CIMAP2: variants seen among roughly 807,000 people sequenced by gnomAD.
CIMAP2 encodes ciliary microtubule associated protein 2, also known as ciliary microtubule-associated protein 2.
At chr1:54,835,436 G>A in the CIMAP2 span, among the ~76,000 whole-genome samples, 32 of 152,146 alleles carry the variant, frequency 2.1e-4, no homozygotes, top group South Asian at 5.2e-3. Flanking sequence ...TGATCTGCCC[G>A]CCTCGGCCTC....
chr1:54,831,945 C>T, the CIMAP2 span, among the ~76,000 whole-genome samples: 4 of 152,220 alleles, frequency 2.6e-5, no homozygotes, highest in African/African-American at 9.6e-5. Context: ...CTCCCGGCCT[C>T]GAGCAATCCT....
the CIMAP2 span, among the ~76,000 whole-genome samples, chr1:54,825,329 G>A: frequency 1.3e-5 from 2 of 152,042 alleles, no homozygotes; most frequent in Non-Finnish European, 2.9e-5. Context: ...GGGATTACAG[G>A]TGTGAGCCAC....
At chr1:54,837,504 C>G in the CIMAP2 span, among the ~76,000 whole-genome samples, 1 of 152,154 alleles carries the variant, frequency 6.6e-6, no homozygotes, top group Non-Finnish European at 1.5e-5. Context: ...CCATCCAACT[C>G]CTTCCCCATA....
the CIMAP2 span, chr1:54,811,765 G>GCCGGGGGGGGGGCCCCCCCCC: frequency 4.8e-5 from 62 of 1,301,164 alleles, no homozygotes; most frequent in Middle Eastern, 2.3e-4. Context: ...GGTTCTGACA[G>GCCGGGGGGGGGGCCCCCCCCC]CCTCCATGCC....
At chr1:54,823,058 C>T in the CIMAP2 span, among the ~76,000 whole-genome samples, 60,247 of 151,894 alleles carry the variant, frequency 0.4, 12,718 homozygotes, top group African/African-American at 0.53. Context: ...AGCTGTTGGA[C>T]GAAATGTTCT....
chr1:54,841,563 T>C, the CIMAP2 span: 1 of 1,612,448 alleles, frequency 6.2e-7, no homozygotes, highest in Admixed American at 1.7e-5. Context: ...CAAGCCAAGT[T>C]GGGTGCTTTA....
chr1:54,828,286 T>C, the CIMAP2 span, among the ~76,000 whole-genome samples: 8 of 151,888 alleles, frequency 5.3e-5, no homozygotes, highest in Admixed American at 2.6e-4. Context: ...ACTGCAGCCA[T>C]AACAAATGGA....
At chr1:54,834,372 G>A in the CIMAP2 span, among the ~76,000 whole-genome samples, 1 of 152,130 alleles carries the variant, frequency 6.6e-6, no homozygotes, top group Admixed American at 6.5e-5. Context: ...AAATGGGCCA[G>A]GATCTGATAA....
the CIMAP2 span, among the ~76,000 whole-genome samples, chr1:54,829,379 G>A: frequency 3.9e-5 from 6 of 152,186 alleles, no homozygotes; most frequent in African/African-American, 1.4e-4. Context: ...CAACCAGCAG[G>A]TCCCTGTGGG....
At chr1:54,807,339 T>C in the CIMAP2 span, among the ~76,000 whole-genome samples, 39 of 152,132 alleles carry the variant, frequency 2.6e-4, no homozygotes, top group African/African-American at 9.4e-4. Flanking sequence ...GGGGCAGTGA[T>C]AGAGGATGTC....
At chr1:54,807,127 C>T in the CIMAP2 span, 4 of 1,557,592 alleles carry the variant, frequency 2.6e-6, no homozygotes, top group East Asian at 2.2e-5. Flanking sequence ...AGGGTCTGGC[C>T]ACTGCCCCTT....
At chr1:54,821,772 T>C in the CIMAP2 span, among the ~76,000 whole-genome samples, 2 of 152,252 alleles carry the variant, frequency 1.3e-5, no homozygotes, top group African/African-American at 4.8e-5. Flanking sequence ...AATTCACTTC[T>C]CAGTTCTAAG....
At chr1:54,827,037 G>A in the CIMAP2 span, among the ~76,000 whole-genome samples, 1 of 152,234 alleles carries the variant, frequency 6.6e-6, no homozygotes. Context: ...CTGCCTTGTT[G>A]AATGGTAAAT....
At chr1:54,820,709 A>T in the CIMAP2 span, among the ~76,000 whole-genome samples, 1 of 151,934 alleles carries the variant, frequency 6.6e-6, no homozygotes, top group East Asian at 1.9e-4. Flanking sequence ...TTTTTCATTT[A>T]TCTGTTGAGC....
the CIMAP2 span, among the ~76,000 whole-genome samples, chr1:54,822,071 T>C: frequency 1.5e-5 from 2 of 137,896 alleles, no homozygotes; most frequent in African/African-American, 5.3e-5. Context: ...GCTAATTTTT[T>C]GTATTTTTAG....
At chr1:54,841,008 T>C in the CIMAP2 span, among the ~76,000 whole-genome samples, 1 of 152,106 alleles carries the variant, frequency 6.6e-6, no homozygotes, top group Non-Finnish European at 1.5e-5. Context: ...AAATGAGAAA[T>C]GAGGCATGGG....
At chr1:54,820,191 T>A in the CIMAP2 span, among the ~76,000 whole-genome samples, 2 of 150,634 alleles carry the variant, frequency 1.3e-5, no homozygotes, top group Admixed American at 1.3e-4. Context: ...GCTTTCTTTC[T>A]CTCTCTTCTT....
At chr1:54,813,716 T>C in the CIMAP2 span, 1 of 1,340,238 alleles carries the variant, frequency 7.5e-7, no homozygotes, top group Non-Finnish European at 1.0e-6. Flanking sequence ...GGATAGTAAG[T>C]GATGCCCCAT....
chr1:54,830,784 G>A, the CIMAP2 span, among the ~76,000 whole-genome samples: 1 of 152,156 alleles, frequency 6.6e-6, no homozygotes, highest in Non-Finnish European at 1.5e-5. The surrounding 1 kb of genome is among the most constrained non-coding windows in gnomAD (Gnocchi z 4.1). Context: ...TTAGTCTTTT[G>A]GAGTCGGGGG....
Sources: allele counts gnomAD v4.1 joint callset (sites outside exome capture counted in the v4.1 genomes callset), GRCh38; gene constraint gnomAD v4.1.1; non-coding constraint Gnocchi (gnomAD v3.1); transcripts MANE v1.5; gene names NCBI Gene and HGNC (gene_info 2026-07-23, HGNC 2026-07-21).